Variants in SEMA6D observed in about 807,000 individuals in gnomAD.
The protein encoded by SEMA6D is semaphorin-6D.
In SEMA6D, 35 loss-of-function variants were observed where a neutral mutation model predicts 106.6. That is an observed-to-expected ratio of 0.33 (90% confidence interval 0.25 to 0.44). SEMA6D has a LOEUF of 0.44. SEMA6D is among the 20% of genes least tolerant of loss of function. SEMA6D has a pLI of 1.00. For missense variants in SEMA6D, 1,185 were observed against 1,345.9 expected (o/e 0.88, Z 1.87); for synonymous variants, 499 against 487.7 (o/e 1.02, Z -0.31).
chr15:47,270,848 A>C (rs1195930133), intron 1 of SEMA6D, among the ~76,000 whole-genome samples: 2 of 151,982 alleles, frequency 1.3e-5, no homozygotes, highest in East Asian at 3.9e-4. Context: ...ACAAAAAAAA[A>C]GCTGGATGTG....
rs148040666 is a variant in SEMA6D at position 47,631,973 on chromosome 15, T to C, written c.-55+31077T>C. Among the ~76,000 whole-genome samples, 16 of 152,156 alleles carry C rather than the reference T, an allele frequency of 1.1e-4. No individual in the cohort carries two copies. In the East Asian group the frequency reaches 2.5e-3, roughly 24 times the overall value. ...TAGCTGCATCCCACATAATTTGATA[T>C]GTTGTATTTTCATTTTTATTGAGCT... On this transcript the variant is annotated intron_variant, in intron 4 of 19. Coordinates refer to the SEMA6D transcript ENST00000558014.
intron 4 of SEMA6D, among the ~76,000 whole-genome samples, chr15:47,689,120 G>C (rs1490931937): frequency 6.6e-6 from 1 of 152,188 alleles, no homozygotes; most frequent in African/African-American, 2.4e-5. Flanking sequence ...CCTGGAAACA[G>C]ATATGAGCTT....
chr15:47,269,290 T>C (rs2142225867), intron 1 of SEMA6D, among the ~76,000 whole-genome samples: 2 of 152,098 alleles, frequency 1.3e-5, no homozygotes, highest in South Asian at 2.1e-4. Context: ...ATTAATCCTA[T>C]TTTCAGTGCA....
At chr15:47,530,710 G>A (rs960261167) in intron 3 of SEMA6D, among the ~76,000 whole-genome samples, 4 of 152,170 alleles carry the variant, frequency 2.6e-5, no homozygotes, top group Non-Finnish European at 5.9e-5. Context: ...AATCACTTGA[G>A]TTTGTAGGAG....
chr15:47,483,287 C>A (rs2043204768), intron 3 of SEMA6D, among the ~76,000 whole-genome samples: 1 of 152,142 alleles, frequency 6.6e-6, no homozygotes, highest in Admixed American at 6.5e-5. Flanking sequence ...CTTCAGACTG[C>A]AAAGGTATGT....
chr15:47,510,840 T>A (rs2044206356), intron 3 of SEMA6D, among the ~76,000 whole-genome samples: 2 of 152,206 alleles, frequency 1.3e-5, no homozygotes, highest in Admixed American at 1.3e-4. Flanking sequence ...GACTCATCTG[T>A]GGACCTCACA....
chr15:47,533,076 A>G (rs1284864249), intron 3 of SEMA6D, among the ~76,000 whole-genome samples: 1 of 152,234 alleles, frequency 6.6e-6, no homozygotes, highest in Non-Finnish European at 1.5e-5. Context: ...TAATACTTTA[A>G]GTGCCACCAC....
chr15:47,523,401 A>G (rs2044650192), intron 3 of SEMA6D, among the ~76,000 whole-genome samples: 1 of 152,032 alleles, frequency 6.6e-6, no homozygotes, highest in Non-Finnish European at 1.5e-5. Context: ...TGTGAATCAA[A>G]GGCTGGGAAG....
chr15:47,620,299 G>A (rs1307070266), intron 4 of SEMA6D, among the ~76,000 whole-genome samples: 2 of 152,198 alleles, frequency 1.3e-5, no homozygotes, highest in Non-Finnish European at 2.9e-5. Flanking sequence ...ACACCTGGGA[G>A]TGCCAAGCAG....
intron 1 of SEMA6D, among the ~76,000 whole-genome samples, chr15:47,270,598 A>AAC (rs1025800108): frequency 1.3e-5 from 2 of 152,206 alleles, no homozygotes; most frequent in African/African-American, 4.8e-5. Flanking sequence ...AACACTAAGA[A>AAC]ACTAACCATG....
At chr15:47,684,070 T>G (rs758909772) in intron 4 of SEMA6D, among the ~76,000 whole-genome samples, 10 of 152,114 alleles carry the variant, frequency 6.6e-5, no homozygotes, top group Non-Finnish European at 1.3e-4. Flanking sequence ...CTAAGCAGAT[T>G]TGGCAGAAAG....
intron 4 of SEMA6D, among the ~76,000 whole-genome samples, chr15:47,642,034 C>T (rs947833767): frequency 1.3e-5 from 2 of 152,182 alleles, no homozygotes; most frequent in Non-Finnish European, 1.5e-5. Flanking sequence ...AAGGTAGCCA[C>T]TCGGTAAATG....
chr15:47,481,262 T>A (rs183382812), intron 3 of SEMA6D, among the ~76,000 whole-genome samples: 1 of 152,258 alleles, frequency 6.6e-6, no homozygotes, highest in Admixed American at 6.5e-5. Flanking sequence ...CTCTCCCAGT[T>A]GCAGGGTTCT....
chr15:47,385,576 T>G (rs2145713057), intron 1 of SEMA6D, among the ~76,000 whole-genome samples: 1 of 152,324 alleles, frequency 6.6e-6, no homozygotes, highest in Admixed American at 6.5e-5. Flanking sequence ...CATACGCATC[T>G]GAACTCAAAG....
intron 1 of SEMA6D, among the ~76,000 whole-genome samples, chr15:47,314,733 A>C (rs1491002505): frequency 1.3e-5 from 2 of 151,318 alleles, no homozygotes; most frequent in African/African-American, 2.4e-5. Flanking sequence ...ATGGACTTTC[A>C]TAGAGCAGAC....
chr15:47,557,655 C>T (rs1173322113), intron 3 of SEMA6D, among the ~76,000 whole-genome samples: 2 of 152,162 alleles, frequency 1.3e-5, no homozygotes, highest in African/African-American at 4.8e-5. Flanking sequence ...GTACACTTCA[C>T]AGAGAGTGTA....
chr15:47,631,047 T>G (rs1326158693), intron 4 of SEMA6D, among the ~76,000 whole-genome samples: 3 of 151,894 alleles, frequency 2.0e-5, no homozygotes, highest in African/African-American at 7.2e-5. Flanking sequence ...GATACTTGTC[T>G]GTAGTTTGCC....
At chr15:47,569,597 C>T (rs911803161) in intron 3 of SEMA6D, among the ~76,000 whole-genome samples, 21 of 152,184 alleles carry the variant, frequency 1.4e-4, no homozygotes, top group African/African-American at 5.1e-4. Context: ...CTGTAGGTCC[C>T]CAACACATTC....
intron 1 of SEMA6D, among the ~76,000 whole-genome samples, chr15:47,330,727 G>A (rs998192622): frequency 6.6e-5 from 10 of 152,178 alleles, no homozygotes; most frequent in Non-Finnish European, 1.5e-4. Context: ...AAGAAAGAAT[G>A]TTGTGGGATC....
Sources: allele counts gnomAD v4.1 joint callset (sites outside exome capture counted in the v4.1 genomes callset), GRCh38; gene constraint gnomAD v4.1.1; transcripts MANE v1.5; gene names NCBI Gene and HGNC (gene_info 2026-07-23, HGNC 2026-07-21).